The following PMS1 variants were observed in gnomAD, a reference collection of about 807,000 sequenced individuals.
PMS1 encodes the protein PMS1 homolog 1, mismatch repair system component.
A neutral mutation model predicts 93.1 loss-of-function variants in PMS1; 79 were observed. The observed-to-expected ratio is 0.85, with a 90% CI of 0.71 to 1.02. PMS1 has a LOEUF of 1.02. Among genes scored for constraint, PMS1 ranks in the 50% least tolerant of loss-of-function variants. The pLI is 0.00. For missense variants in PMS1, 1,064 were observed against 1,085.3 expected, an observed-to-expected ratio of 0.98 and a Z score of 0.28; for synonymous variants, 335 against 363.4, an observed-to-expected ratio of 0.92 and a Z score of 0.89.
chr2:189,869,403 T>G (rs986530621), intron 11 of PMS1, among the ~76,000 whole-genome samples: 1 of 152,202 alleles, frequency 6.6e-6, no homozygotes, highest in South Asian at 2.1e-4. Flanking sequence ...ATCTTAAAAT[T>G]TATGTGAAGT....
At chr2:189,813,436 C>T (rs2051013306) in intron 4 of PMS1, among the ~76,000 whole-genome samples, 1 of 152,072 alleles carries the variant, frequency 6.6e-6, no homozygotes, top group East Asian at 1.9e-4. Flanking sequence ...TTCTAAGATG[C>T]ACATTTTGTC....
chr2:189,823,923 A>G (rs1005095593), intron 5 of PMS1, among the ~76,000 whole-genome samples: 2 of 152,234 alleles, frequency 1.3e-5, no homozygotes, highest in Non-Finnish European at 2.9e-5. Context: ...GTTGATCCCA[A>G]TACAGGCAAA....
intron 4 of PMS1, among the ~76,000 whole-genome samples, chr2:189,808,512 G>A (rs965415200): frequency 8.6e-5 from 13 of 151,850 alleles, no homozygotes; most frequent in African/African-American, 3.1e-4. Flanking sequence ...GTTTTTTTTA[G>A]TAGAGACAGG....
intron 3 of PMS1, among the ~76,000 whole-genome samples, chr2:189,798,360 G>C (rs1352752338): frequency 6.6e-6 from 1 of 152,194 alleles, no homozygotes; most frequent in African/African-American, 2.4e-5. Flanking sequence ...AGATTTTGCT[G>C]TTGGAGCATA....
Position 189,875,996 on chromosome 2 carries a change from T to TC in PMS1, c.2635-1272dup, listed in dbSNP as rs2057534479. ...AAAAAAAAAATTGCAGGGGAAATGT[T>TC]CCCCAAAAGGCAAGAGGGAAGATAG... On this transcript the variant is annotated intron_variant, in intron 12 of 12. Coordinates refer to ENST00000441310, the MANE Select transcript of PMS1 (RefSeq NM_000534.5). Among the ~76,000 whole-genome samples the TC allele has an allele frequency of 2.0e-5, 3 of 148,542 alleles. No homozygotes were observed. The South Asian group carries it at 6.4e-4, about 31-fold the overall frequency.
rs2056293189 is a variant in PMS1 at position 189,863,789 on chromosome 2, A to G, written c.1903A>G (p.Met635Val). The G allele has an allele frequency of 6.2e-7, 1 of 1,610,826 alleles. No homozygotes were observed. Among genetic ancestry groups the G allele is most frequent in the Admixed American group, 1.7e-5 (1 of 60,012 alleles). The change falls in exon 10 of 13, where the codon ATG becomes GTG. Residue 635 changes from methionine (M) to valine (V), a missense_variant. Physicochemically the swap from Met to Val is conservative, Grantham distance 21 (BLOSUM62 1). Coordinates refer to ENST00000441310, the MANE Select transcript of PMS1 (RefSeq NM_000534.5). Reference sequence around the variant, plus strand: ...AGACTTGGAACGATACAATAGTCAAATGAAGAGAGCCATTGAACAGGAGTC... The same window carrying G: ...AGACTTGGAACGATACAATAGTCAAGTGAAGAGAGCCATTGAACAGGAGTC... ...TKDLERYNSQ[M>V]KRAIEQESQM...
chr2:189,853,577 A>G (rs1421615393), intron 7 of PMS1, among the ~76,000 whole-genome samples: 2 of 148,036 alleles, frequency 1.4e-5, no homozygotes, highest in Non-Finnish European at 3.0e-5. Flanking sequence ...ATGCAGTAGC[A>G]TGATTTCGGC....
intron 5 of PMS1, among the ~76,000 whole-genome samples, chr2:189,831,973 C>T (rs953632283): frequency 6.6e-6 from 1 of 152,056 alleles, no homozygotes; most frequent in African/African-American, 2.4e-5. Flanking sequence ...GCAAATGATC[C>T]TCCCGCCTCG....
chr2:189,857,320 A>G (rs886627215), intron 9 of PMS1: 3 of 209,488 alleles, frequency 1.4e-5, no homozygotes, highest in Non-Finnish European at 3.2e-5. Flanking sequence ...ATTGTATGTC[A>G]CAGAGTGCTG....
At chr2:189,851,888 A>T (rs1241391994) in intron 6 of PMS1, among the ~76,000 whole-genome samples, 1 of 152,186 alleles carries the variant, frequency 6.6e-6, no homozygotes, top group Non-Finnish European at 1.5e-5. Context: ...TTAACAGTAT[A>T]GGATGTTGTC....
rs2050260865 is a variant in PMS1, at chr2:189,805,570, G to T, written c.316-82G>T. 4.7e-6 allele frequency: 5 copies of T among 1,068,578 alleles called. No homozygotes were observed. The Admixed American group carries it at 5.1e-5, about 11-fold the overall frequency. The allele number at this position is 1,068,578 out of a possible 1,614,324, so 66.2% of individuals were successfully genotyped here. ...ATACGCTATTGAGTAAATATATTAT[G>T]CAATAATCATTTCAAATCTTTGATA... On this transcript the variant is annotated intron_variant, in intron 3 of 12. Transcript: ENST00000441310.
At chr2:189,791,559 G>GT in intron 1 of PMS1, 2 of 393,098 alleles carry the variant, frequency 5.1e-6, no homozygotes, top group South Asian at 4.3e-5. Context: ...AGAGGTTGCA[G>GT]TGAGTCGAGA....
intron 4 of PMS1, among the ~76,000 whole-genome samples, chr2:189,815,994 C>T (rs1575120449): frequency 6.6e-6 from 1 of 152,166 alleles, no homozygotes; most frequent in African/African-American, 2.4e-5. Flanking sequence ...GCCTTGAACT[C>T]CTGGGCTCAA....
intron 4 of PMS1, among the ~76,000 whole-genome samples, chr2:189,811,983 G>A (rs954802185): frequency 5.3e-5 from 8 of 152,128 alleles, no homozygotes; most frequent in African/African-American, 1.9e-4. Context: ...AAAGAAAATG[G>A]AATGACATCT....
Position 189,854,420 on chromosome 2 carries a change from T to C in PMS1, c.1148T>C (p.Val383Ala). 6.2e-7 allele frequency: 1 copy of C among 1,607,456 alleles called. No individual in the cohort carries two copies. Among genetic ancestry groups the C allele is most frequent in the South Asian group, 1.1e-5 (1 of 90,390 alleles). Reference sequence around the variant, plus strand: ...TCATCTGGAAAGAATTATTCAAATGTTGATACTTCAGTCATTCCATTCCAA... The same window carrying C: ...TCATCTGGAAAGAATTATTCAAATGCTGATACTTCAGTCATTCCATTCCAA... The part of the protein sequence containing the change: ...VESSGKNYSN[V>A]DTSVIPFQND... The change falls in exon 9 of 13, where the codon GTT (valine) becomes GCT (alanine). Residue 383 changes from valine to alanine, a missense_variant. Physicochemically the swap from Val to Ala is moderately conservative, Grantham distance 64. Coordinates refer to ENST00000441310, the MANE Select transcript of PMS1 (RefSeq NM_000534.5).
At chr2:189,834,285 A>T (rs1017196817) in intron 5 of PMS1, among the ~76,000 whole-genome samples, 1 of 152,230 alleles carries the variant, frequency 6.6e-6, no homozygotes, top group Non-Finnish European at 1.5e-5. Flanking sequence ...AATGTCAGGG[A>T]GTCATCAGAG....
intron 5 of PMS1, among the ~76,000 whole-genome samples, chr2:189,836,186 C>T (rs917192378): frequency 1.3e-5 from 2 of 152,180 alleles, no homozygotes; most frequent in Admixed American, 1.3e-4. Flanking sequence ...AATTAAATAT[C>T]GAGTATTCTC....
chr2:189,867,258 T>C (rs1228374437), intron 10 of PMS1, among the ~76,000 whole-genome samples: 1 of 152,188 alleles, frequency 6.6e-6, no homozygotes, highest in Non-Finnish European at 1.5e-5. Flanking sequence ...GATCTTTGGC[T>C]TCCTCAAGTT....
At chr2:189,848,388 C>T (rs1468760503) in intron 6 of PMS1, among the ~76,000 whole-genome samples, 4 of 152,208 alleles carry the variant, frequency 2.6e-5, no homozygotes, top group African/African-American at 7.2e-5. Flanking sequence ...GGTGCACATT[C>T]AAGTGTGAAA....
Sources: gnomAD v4.1 joint callset for allele counts (sites outside exome capture counted in the v4.1 genomes callset) on GRCh38, gnomAD v4.1.1 for gene constraint, MANE v1.5 for transcripts, NCBI Gene and HGNC (gene_info 2026-07-23, HGNC 2026-07-21) for gene names.